Variants in DMD observed in about 807,000 individuals in gnomAD.
The protein encoded by DMD is mutant dystrophin.
Under a neutral mutation model 330.1 loss-of-function variants are expected in DMD, and 63 were observed. That is an observed-to-expected ratio of 0.19 (90% CI 0.16 to 0.24). DMD has a LOEUF of 0.24. Among genes scored for constraint, DMD ranks in the 10% least tolerant of loss-of-function variants. The pLI, the probability that DMD is intolerant of heterozygous loss-of-function variation, is 1.00. For synonymous variants in DMD, 1,223 were observed against 959.8 expected, an observed-to-expected ratio of 1.27 and a Z score of -5.07; for missense variants, 3,344 against 2,684.1, an observed-to-expected ratio of 1.25 and a Z score of -5.43.
intron 67 of DMD, among the ~76,000 whole-genome samples, chrX:31,199,285 AACTTT>A (rs1163263251): frequency 9.0e-6 from 1 of 111,671 alleles, no homozygotes; most frequent in Non-Finnish European, 1.9e-5. Context: ...CTCGTTGCAA[AACTTT>A]ACTTCTATCA....
chrX:31,209,659 G>A lies in DMD; in HGVS notation c.9402C>T (p.Asp3134=). ...LSLSAACDAL[D]QHNLKQNDQP... is the part of the protein sequence containing the mutation. ...GGTCATTTTGCTTGAGGTTGTGCTGGTCCAAGGCATCACATGCAGCTGACA... is the reference window on the plus strand; with the variant it reads ...GGTCATTTTGCTTGAGGTTGTGCTGATCCAAGGCATCACATGCAGCTGACA... Residue 3134 remains aspartate (D), a synonymous_variant, in exon 65 of 79, where the codon GAC becomes GAT. Transcript: ENST00000357033. 2 of 1,211,241 alleles carry A rather than the reference G, an allele frequency of 1.7e-6. No individual in the cohort carries two copies. Among genetic ancestry groups the A allele is most frequent in the Non-Finnish European group, 2.2e-6 (2 of 895,339 alleles).
At chrX:32,220,795 C>T (rs2097129425) in intron 43 of DMD, among the ~76,000 whole-genome samples, 1 of 110,632 alleles carries the variant, frequency 9.0e-6, no homozygotes, top group Admixed American at 9.7e-5. Flanking sequence ...GTAGAGACAT[C>T]AAAAATAGCA....
chrX:32,472,483 A>G (rs1168296993), intron 21 of DMD, among the ~76,000 whole-genome samples, 174 bp from the exon 22 acceptor site: 3 of 112,092 alleles, frequency 2.7e-5, no homozygotes, highest in Non-Finnish European at 5.6e-5. Context: ...CTACATGTGT[A>G]ATATGCCAGG....
chrX:31,741,178 T>A lies in DMD; in HGVS notation c.7543-11430A>T, dbSNP rs148962279. On this transcript the variant is annotated intron_variant, in intron 51 of 78. Coordinates refer to ENST00000357033, the MANE Select transcript of DMD (RefSeq NM_004006.3). Reference sequence around the variant, plus strand: ...TATTTCTACCACATCTGCAGTGACTTCTTCTACTGAAGTCTTGGACCCTCA... The same window carrying A: ...TATTTCTACCACATCTGCAGTGACTACTTCTACTGAAGTCTTGGACCCTCA... Among the ~76,000 whole-genome samples the A allele has an allele frequency of 7.8e-4, 87 of 111,932 alleles. 1 individual carries two copies. The highest frequency in any genetic ancestry group is 2.6e-3 in the African/African-American group (81 of 30,838).
chrX:32,122,213 G>C (rs1371085584), intron 44 of DMD, among the ~76,000 whole-genome samples: 3 of 111,811 alleles, frequency 2.7e-5, no homozygotes, highest in Non-Finnish European at 5.6e-5. Flanking sequence ...CGTAGCTAAA[G>C]CAGTGGTTTT....
chrX:31,453,845 T>C (rs2149125989), intron 59 of DMD, among the ~76,000 whole-genome samples: 1 of 98,547 alleles, frequency 1.0e-5, no homozygotes, highest in African/African-American at 3.8e-5. Context: ...AAAAAGATAG[T>C]TCATGAGTGT....
intron 13 of DMD, among the ~76,000 whole-genome samples, 185 bp from the exon 14 acceptor site, chrX:32,574,031 C>T (rs1263758610): frequency 1.8e-5 from 2 of 111,977 alleles, no homozygotes; most frequent in Admixed American, 9.5e-5. Flanking sequence ...TTTATCTCAC[C>T]AAGTCTTGTA....
intron 7 of DMD, among the ~76,000 whole-genome samples, chrX:32,719,590 G>A (rs2066060437): frequency 9.0e-6 from 1 of 111,506 alleles, no homozygotes; most frequent in Admixed American, 9.5e-5. Flanking sequence ...GTAAAATAAT[G>A]GAATAACAAA....
chrX:33,061,261 T>TA lies in DMD; in HGVS notation c.32-41062dup, dbSNP rs1448958080. On this transcript the variant is annotated intron_variant, in intron 1 of 78. Coordinates refer to ENST00000357033, the MANE Select transcript of DMD (RefSeq NM_004006.3). ...GAAAGTTATTTTGCTCAGGGACACT[T>TA]ACAAAGATATATACACATTCAGTAG... Among the ~76,000 whole-genome samples, 3 of 112,636 alleles carry TA rather than the reference T, an allele frequency of 2.7e-5. No homozygotes were observed. The East Asian group carries it at 8.4e-4, about 31-fold the overall frequency.
At chrX:32,186,221 AT>A (rs1239812867) in intron 44 of DMD, among the ~76,000 whole-genome samples, 26 of 111,135 alleles carry the variant, frequency 2.3e-4, no homozygotes, top group Admixed American at 2.3e-3. Flanking sequence ...AAGAAAAAAA[AT>A]GAGTGTATTA....
chrX:31,871,023 C>G (rs964847665), intron 48 of DMD, among the ~76,000 whole-genome samples: 1 of 111,420 alleles, frequency 9.0e-6, no homozygotes, highest in Admixed American at 9.5e-5. Flanking sequence ...AACATAAGAC[C>G]CTTTATAGAA....
At chrX:31,449,775 T>G (rs1403048971) in intron 59 of DMD, among the ~76,000 whole-genome samples, 1,216 of 88,012 alleles carry the variant, frequency 0.014, 16 homozygotes, top group African/African-American at 0.05. Context: ...TATATATATA[T>G]ATATATATAT....
chrX:31,405,326 TGG>T (rs2061361015), intron 60 of DMD, among the ~76,000 whole-genome samples: 9 of 112,051 alleles, frequency 8.0e-5, no homozygotes, highest in Non-Finnish European at 1.5e-4. Flanking sequence ...TGGAAAGACA[TGG>T]ATGTATTGGA....
chrX:31,522,756 T>C (rs765931095), intron 55 of DMD, among the ~76,000 whole-genome samples: 1 of 111,042 alleles, frequency 9.0e-6, no homozygotes, highest in Non-Finnish European at 1.9e-5. Context: ...TGTGAGCAGT[T>C]TAACATAGGC....
intron 11 of DMD, among the ~76,000 whole-genome samples, chrX:32,621,960 G>T (rs746267085): frequency 9.0e-6 from 1 of 111,336 alleles, no homozygotes; most frequent in South Asian, 3.8e-4. Flanking sequence ...TATTTTAACA[G>T]GACTTCCAGG....
intron 1 of DMD, among the ~76,000 whole-genome samples, chrX:33,105,533 A>G (rs2095278592): frequency 8.9e-6 from 1 of 112,646 alleles, no homozygotes; most frequent in African/African-American, 3.2e-5. Context: ...TGCATCTGAC[A>G]ACTGACCAAT....
chrX:32,856,763 G>T (rs767867260), intron 2 of DMD, among the ~76,000 whole-genome samples: 2 of 111,781 alleles, frequency 1.8e-5, no homozygotes, highest in Non-Finnish European at 3.8e-5. Flanking sequence ...GGTGATTACA[G>T]TCAACAATTT....
In DMD at chrX:32,357,716, C is replaced by T. The variant is rs188230588; in HGVS notation, c.5325+5072G>A. ...ACACACACAGAGCACATCAAGAACTCTTCATTGCATACTGAATTAAGCATG... is the reference window on the plus strand; with the variant it reads ...ACACACACAGAGCACATCAAGAACTTTTCATTGCATACTGAATTAAGCATG... On this transcript the variant is annotated intron_variant, in intron 37 of 78. Coordinates refer to ENST00000357033, the MANE Select transcript of DMD (RefSeq NM_004006.3). Among the ~76,000 whole-genome samples, 268 of 108,640 alleles carry T rather than the reference C, an allele frequency of 2.5e-3. 1 individual carries two copies. Among genetic ancestry groups the T allele is most frequent in the Non-Finnish European group, 3.7e-3 (195 of 52,440 alleles). The allele number at this position is 108,640 out of a possible 115,157, so 94.3% of individuals were successfully genotyped here.
intron 67 of DMD, among the ~76,000 whole-genome samples, chrX:31,201,191 A>ACG (rs1264836598): frequency 2.1e-5 from 2 of 93,764 alleles, no homozygotes; most frequent in Non-Finnish European, 2.3e-5. Context: ...ACACACACAC[A>ACG]CACACACGCA....
Sources: allele counts gnomAD v4.1 joint callset (sites outside exome capture counted in the v4.1 genomes callset), GRCh38; gene constraint gnomAD v4.1.1; transcripts MANE v1.5; gene names NCBI Gene and HGNC (gene_info 2026-07-23, HGNC 2026-07-21).